SMARCB1: variants seen among roughly 807,000 people sequenced by gnomAD.
SMARCB1 encodes SWI/SNF related BAF chromatin remodeling complex subunit B1.
In SMARCB1, 5 loss-of-function variants were observed where a neutral mutation model predicts 49.0. The ratio of observed to expected loss-of-function variants is 0.10; its 90% CI spans 0.05 to 0.21. The LOEUF (loss-of-function observed/expected upper bound fraction) is 0.21, where lower values mean the gene tolerates loss of function less well. Among genes scored for constraint, SMARCB1 ranks in the 10% least tolerant of loss-of-function variants. The pLI is 1.00. For synonymous variants in SMARCB1, 201 were observed against 200.1 expected (o/e 1.00, Z -0.04); for missense variants, 226 against 509.2 (o/e 0.44, Z 5.35).
At chr22:23,813,605 A>G (rs1376503770) in intron 5 of SMARCB1, among the ~76,000 whole-genome samples, 2 of 152,224 alleles carry the variant, frequency 1.3e-5, no homozygotes, top group Admixed American at 6.5e-5. Flanking sequence ...TATACCAAAA[A>G]CTATAAAACA....
chr22:23,809,251 C>G (rs1006742760), intron 5 of SMARCB1, among the ~76,000 whole-genome samples: 3 of 150,308 alleles, frequency 2.0e-5, no homozygotes, highest in African/African-American at 7.3e-5. Context: ...CAATATTGTT[C>G]AGGAATGAAC....
rs1930254858 is a variant in SMARCB1 at position 23,817,312 on chromosome 22, G to A, written c.795+376G>A. 1.2e-5 allele frequency: 4 copies of A among 341,432 alleles called. No homozygotes were observed. In the East Asian group the frequency reaches 1.9e-4, roughly 16 times the overall value. The allele number at this position is 341,432 out of a possible 1,614,324, so 21.2% of individuals were successfully genotyped here. ...ATATTACAGGTGAAGAGGTGGGCAC[G>A]TGGAGAGCTGAGATCACCTGCGGAA... On this transcript the variant is annotated intron_variant, in intron 6 of 8. Coordinates refer to ENST00000644036, the MANE Select transcript of SMARCB1 (RefSeq NM_003073.5).
intron 1 of SMARCB1, among the ~76,000 whole-genome samples, chr22:23,788,314 A>G (rs1928142519): frequency 6.6e-6 from 1 of 152,244 alleles, no homozygotes; most frequent in Non-Finnish European, 1.5e-5. Flanking sequence ...AATCTCATGT[A>G]AGGAAGTAAG....
chr22:23,817,154 G>A (rs1930244297), intron 6 of SMARCB1: 2 of 603,108 alleles, frequency 3.3e-6, no homozygotes, highest in East Asian at 5.5e-5. Context: ...ACATTCAGGG[G>A]GTGTCTCTGA....
intron 1 of SMARCB1, 49 bp from the exon 2 acceptor site, chr22:23,791,707 C>T (rs1420094624): frequency 1.3e-6 from 2 of 1,599,364 alleles, no homozygotes; most frequent in Admixed American, 3.3e-5. Flanking sequence ...CCCTCCCCTT[C>T]CCTGTGGTGC....
chr22:23,826,609 C>T (rs1047960864), intron 7 of SMARCB1, among the ~76,000 whole-genome samples: 3 of 152,220 alleles, frequency 2.0e-5, no homozygotes, highest in African/African-American at 7.2e-5. Context: ...TCATCCACAT[C>T]TGCAGTCATC....
intron 5 of SMARCB1, among the ~76,000 whole-genome samples, chr22:23,812,929 A>G (rs1459095077): frequency 6.8e-6 from 1 of 146,706 alleles, no homozygotes; most frequent in African/African-American, 2.5e-5. Flanking sequence ...CAGTGGCATG[A>G]TCTCAGCTCA....
At chr22:23,799,895 AG>A (rs1929036384) in intron 3 of SMARCB1, among the ~76,000 whole-genome samples, 1 of 152,072 alleles carries the variant, frequency 6.6e-6, no homozygotes, top group Non-Finnish European at 1.5e-5. Context: ...CATGTTGGCC[AG>A]GCTGGTCTTG....
intron 1 of SMARCB1, among the ~76,000 whole-genome samples, chr22:23,788,229 T>TC (rs1439809636): frequency 1.3e-5 from 2 of 152,062 alleles, no homozygotes; most frequent in African/African-American, 4.8e-5. Context: ...CCAAAGGCAG[T>TC]CCCCAGCTAG....
intron 3 of SMARCB1, among the ~76,000 whole-genome samples, chr22:23,795,965 G>A (rs910275101): frequency 6.6e-6 from 1 of 151,706 alleles, no homozygotes; most frequent in East Asian, 2.0e-4. Context: ...TAATTTTTTT[G>A]TATTTTTATT....
In SMARCB1 at chr22:23,809,266, T is replaced by C. The variant is rs536625635; in HGVS notation, c.628+5844T>C. Among the ~76,000 whole-genome samples the C allele has an allele frequency of 7.1e-3, 1,068 of 150,774 alleles. 30 individuals carry two copies. The highest frequency in any genetic ancestry group is 3.3e-3 in the Non-Finnish European group (224 of 67,726). ...CAATATTGTTCAGGAATGAACGATATTGGACATTCTTTTTTTTTTTTTTTT... is the reference window on the plus strand; with the variant it reads ...CAATATTGTTCAGGAATGAACGATACTGGACATTCTTTTTTTTTTTTTTTT... On this transcript the variant is annotated intron_variant, in intron 5 of 8. Transcript: ENST00000644036.
intron 6 of SMARCB1, chr22:23,824,491 G>C (rs1837636921): frequency 6.5e-6 from 1 of 154,012 alleles, no homozygotes; most frequent in Non-Finnish European, 1.4e-5. Context: ...CTACTCAAGG[G>C]GTGAGAAGTC....
intron 5 of SMARCB1, among the ~76,000 whole-genome samples, chr22:23,808,542 C>T (rs865985522): frequency 6.6e-6 from 1 of 152,180 alleles, no homozygotes; most frequent in African/African-American, 2.4e-5. Context: ...AGGCGTGAGC[C>T]ACTGCGCCCG....
intron 3 of SMARCB1, among the ~76,000 whole-genome samples, chr22:23,798,287 G>A (rs1336871368): frequency 6.6e-6 from 1 of 152,200 alleles, no homozygotes; most frequent in Non-Finnish European, 1.5e-5. Context: ...TCTGGGTTTG[G>A]GTGTTGTAGC....
In SMARCB1 at chr22:23,835,360, C is replaced by T. The variant is rs2030962245; in HGVS notation, c.*1180C>T. On this transcript the variant is annotated 3_prime_UTR_variant, in exon 9 of 9. Transcript: ENST00000644036. ...CACAGATCCCAGCACAGACTGCTGC[C>T]ACCCTCAGCTGTTGGCAGGTCCCAT... 2.0e-6 allele frequency: 2 copies of T among 992,660 alleles called. No homozygotes were observed. The highest frequency in any genetic ancestry group is 3.5e-5 in the African/African-American group (2 of 57,596). 61.5% of individuals were successfully genotyped at this position (992,660 alleles called of 1,614,324 possible). A position where few individuals can be genotyped will look rare whatever the true frequency, so the allele number is the denominator to read the frequency against.
chr22:23,828,206 C>A (rs1233771856), intron 7 of SMARCB1, among the ~76,000 whole-genome samples: 2 of 152,174 alleles, frequency 1.3e-5, no homozygotes, highest in Non-Finnish European at 2.9e-5. Flanking sequence ...GTGCCCGCCA[C>A]CACGCCCAGC....
intron 7 of SMARCB1, among the ~76,000 whole-genome samples, chr22:23,826,495 G>A (rs6003896): frequency 3.3e-5 from 5 of 151,828 alleles, no homozygotes; most frequent in African/African-American, 9.7e-5. Context: ...GGGAAGCCCC[G>A]TGGTTCCTCA....
intron 3 of SMARCB1, among the ~76,000 whole-genome samples, chr22:23,797,306 TTTATTA>T (rs371185757): frequency 0.096 from 14,050 of 146,186 alleles, 2,050 homozygotes; most frequent in African/African-American, 0.32. Flanking sequence ...CCTGTTTTTT[TTTATTA>T]TTATTATTTT....
chr22:23,791,708 CCT>C (rs764021310), intron 1 of SMARCB1, 46 bp from the exon 2 acceptor site: 1 of 1,601,634 alleles, frequency 6.2e-7, no homozygotes, highest in East Asian at 2.2e-5. Flanking sequence ...CCTCCCCTTC[CCT>C]GTGGTGCTGC....
Sources: allele counts gnomAD v4.1 joint callset (sites outside exome capture counted in the v4.1 genomes callset), GRCh38; gene constraint gnomAD v4.1.1; transcripts MANE v1.5; gene names NCBI Gene and HGNC (gene_info 2026-07-23, HGNC 2026-07-21).